DGKB: variants seen among roughly 807,000 people sequenced by gnomAD.
DGKB encodes the protein 90 kDa diacylglycerol kinase.
DGKB carries 67 observed loss-of-function variants against 114.3 expected under a neutral mutation model. That is an observed-to-expected ratio of 0.59 (90% CI 0.48 to 0.72). The LOEUF is 0.72. Among genes scored for constraint, DGKB ranks in the 30% least tolerant of loss-of-function variants. DGKB has a pLI of 0.00. For missense variants in DGKB, 907 were observed against 975.2 expected (o/e 0.93, Z 0.93); for synonymous variants, 398 against 323.1 (o/e 1.23, Z -2.49).
chr7:14,228,410 CT>C (rs1791172411), intron 23 of DGKB, among the ~76,000 whole-genome samples: 1 of 151,964 alleles, frequency 6.6e-6, no homozygotes, highest in Non-Finnish European at 1.5e-5. Context: ...AGTGTCCTAT[CT>C]ATTGTGAATG....
At chr7:14,802,807 GAAAGT>G (rs1412441633) in intron 2 of DGKB, among the ~76,000 whole-genome samples, 1 of 152,036 alleles carries the variant, frequency 6.6e-6, no homozygotes, top group Non-Finnish European at 1.5e-5. Flanking sequence ...CTACATTCCT[GAAAGT>G]AAAGTGTCTC....
At chr7:14,487,330 G>C (rs1783966254) in intron 20 of DGKB, among the ~76,000 whole-genome samples, 1 of 152,038 alleles carries the variant, frequency 6.6e-6, no homozygotes, top group African/African-American at 2.4e-5. Context: ...TTTAAATTTA[G>C]AATTGACCTT....
At chr7:14,832,142 T>C (rs6970424) in intron 2 of DGKB, among the ~76,000 whole-genome samples, 1 of 152,104 alleles carries the variant, frequency 6.6e-6, no homozygotes, top group Non-Finnish European at 1.5e-5. Flanking sequence ...CTTTTTTATT[T>C]TCTTAATTAC....
rs77598212 is a variant in DGKB, at chr7:14,552,650, T to G, written c.1770+21562A>C. Among the ~76,000 whole-genome samples, 1,134 of 152,322 alleles carry G rather than the reference T, an allele frequency of 7.4e-3. 10 individuals are homozygous for G. Among genetic ancestry groups the G allele is most frequent in the South Asian group, 0.017 (83 of 4,828 alleles). On this transcript the variant is annotated intron_variant, in intron 20 of 25. Transcript: ENST00000402815. ...AAAAGCTATCAGGTTTAAAAAGACTTAAAATAATTGTTTTCCGGGGCAGCT... is the reference window on the plus strand; with the variant it reads ...AAAAGCTATCAGGTTTAAAAAGACTGAAAATAATTGTTTTCCGGGGCAGCT...
At chr7:14,787,190 G>C (rs1334547772) in intron 2 of DGKB, among the ~76,000 whole-genome samples, 4 of 152,276 alleles carry the variant, frequency 2.6e-5, no homozygotes, top group Middle Eastern at 6.8e-3. Flanking sequence ...ACCAGCTTAA[G>C]CAACAACAGT....
intron 2 of DGKB, among the ~76,000 whole-genome samples, chr7:14,827,737 G>C (rs1721012855): frequency 6.6e-6 from 1 of 152,022 alleles, no homozygotes; most frequent in Admixed American, 6.6e-5. Context: ...TAGTTTGGTG[G>C]TCTACATAAT....
rs117309472 is a variant in DGKB at position 14,260,660 on chromosome 7, G to T, written c.2122+77855C>A. 9.2e-3 allele frequency among the ~76,000 whole-genome samples: 1,397 copies of T among 152,216 alleles called. 9 individuals carry two copies. The highest frequency in any genetic ancestry group is 0.023 in the South Asian group (112 of 4,820). On this transcript the variant is annotated intron_variant, in intron 23 of 25. Coordinates refer to ENST00000402815, the MANE Select transcript of DGKB (RefSeq NM_001350709.2). ...TTTCTATCGGTATAATTAGGGGTGA[G>T]ACCTCAGCTTATTAAAGTTCAGGCA...
chr7:14,694,275 T>C, intron 8 of DGKB, 81 bp from the exon 9 acceptor site: 1 of 1,272,290 alleles, frequency 7.9e-7, no homozygotes, highest in East Asian at 2.5e-5. Flanking sequence ...AAATTGTGAC[T>C]AACAGCTAAG....
At chr7:14,729,427 G>T (rs188044326) in intron 5 of DGKB, among the ~76,000 whole-genome samples, 1 of 152,110 alleles carries the variant, frequency 6.6e-6, no homozygotes, top group African/African-American at 2.4e-5. Flanking sequence ...GCTCACTGAT[G>T]TATCCCTAAC....
At chr7:14,161,380 A>G (rs2128224701) in intron 25 of DGKB, among the ~76,000 whole-genome samples, 1 of 152,342 alleles carries the variant, frequency 6.6e-6, no homozygotes, top group Middle Eastern at 3.4e-3. Context: ...TTACTGCAGC[A>G]CTATTCATAA....
chr7:14,692,312 T>C (rs1383060306), intron 9 of DGKB, among the ~76,000 whole-genome samples: 1 of 152,078 alleles, frequency 6.6e-6, no homozygotes, highest in East Asian at 1.9e-4. Context: ...TCCCTCCTTC[T>C]CTCATCCTAG....
chr7:14,907,410 C>G (rs1356987286), upstream of DGKB, among the ~76,000 whole-genome samples: 1 of 152,176 alleles, frequency 6.6e-6, no homozygotes, highest in African/African-American at 2.4e-5. Context: ...TTTTTCTACA[C>G]CTTAGTTTTC....
chr7:14,677,133 A>T lies in DGKB; in HGVS notation c.1036-4106T>A, dbSNP rs182405269. Reference sequence around the variant, plus strand: ...GTTTATTAGAAAAAGCTGTCTCAAGATAGAAAGAAAAAGAAAGTGTGTGGA... The same window carrying T: ...GTTTATTAGAAAAAGCTGTCTCAAGTTAGAAAGAAAAAGAAAGTGTGTGGA... On this transcript the variant is annotated intron_variant, in intron 12 of 25. Transcript: ENST00000402815. Among the ~76,000 whole-genome samples the T allele has an allele frequency of 2.2e-4, 34 of 152,050 alleles. 1 individual carries two copies. Among genetic ancestry groups the T allele is most frequent in the Admixed American group, 1.1e-3 (16 of 15,228 alleles).
chr7:14,201,747 T>C (rs970671372), intron 23 of DGKB, among the ~76,000 whole-genome samples: 5 of 144,230 alleles, frequency 3.5e-5, no homozygotes, highest in Non-Finnish European at 7.8e-5. Context: ...CTGGTGAATA[T>C]ATATCTGTAG....
chr7:14,503,803 A>G (rs1470251260), intron 20 of DGKB, among the ~76,000 whole-genome samples: 2 of 152,136 alleles, frequency 1.3e-5, no homozygotes, highest in African/African-American at 2.4e-5. Flanking sequence ...GCGAGTGACT[A>G]AAGGGCAGAG....
intron 20 of DGKB, among the ~76,000 whole-genome samples, chr7:14,518,274 C>T (rs1789173394): frequency 6.6e-6 from 1 of 151,946 alleles, no homozygotes; most frequent in African/African-American, 2.4e-5. Context: ...TACGTATGAA[C>T]ACAGAGAAAA....
chr7:14,839,522 C>A (rs1847628230), intron 2 of DGKB, among the ~76,000 whole-genome samples: 1 of 151,382 alleles, frequency 6.6e-6, no homozygotes, highest in Non-Finnish European at 1.5e-5. Flanking sequence ...TCACCTCAGC[C>A]TGCCAAGTAG....
At chr7:14,503,141 CAAA>C (rs1180918374) in intron 20 of DGKB, among the ~76,000 whole-genome samples, 2 of 152,044 alleles carry the variant, frequency 1.3e-5, no homozygotes, top group Non-Finnish European at 2.9e-5. Context: ...CTCAATTGCT[CAAA>C]AAATATGTTT....
At chr7:14,487,478 A>G (rs965387376) in intron 20 of DGKB, among the ~76,000 whole-genome samples, 1 of 152,006 alleles carries the variant, frequency 6.6e-6, no homozygotes, top group African/African-American at 2.4e-5. Context: ...GTAATTTTCT[A>G]TGTGAACTTT....
Sources: gnomAD v4.1 joint callset for allele counts (sites outside exome capture counted in the v4.1 genomes callset) on GRCh38, gnomAD v4.1.1 for gene constraint, MANE v1.5 for transcripts, NCBI Gene and HGNC (gene_info 2026-07-23, HGNC 2026-07-21) for gene names.